Variants in EPHA6 observed in about 807,000 individuals in gnomAD.
EPHA6 encodes EPH receptor A6, also known as ephrin type-A receptor 6.
A neutral mutation model predicts 112.0 loss-of-function variants in EPHA6; 50 were observed. The ratio of observed to expected loss-of-function variants is 0.45; its 90% CI spans 0.36 to 0.56. EPHA6 has a LOEUF of 0.56. Ranked by LOEUF, EPHA6 falls within the 20% of genes least tolerant of loss-of-function variation. EPHA6 has a pLI of 0.00. For synonymous variants in EPHA6, 529 were observed against 490.7 expected (o/e 1.08, Z -1.03); for missense variants, 1,280 against 1,417.4 (o/e 0.90, Z 1.56).
intron 3 of EPHA6, among the ~76,000 whole-genome samples, chr3:97,104,233 A>T (rs1433448924): frequency 6.6e-6 from 1 of 152,092 alleles, no homozygotes; most frequent in African/African-American, 2.4e-5. Flanking sequence ...CCCTTTTCAA[A>T]TATAATGCTT....
chr3:96,915,373 C>T (rs1188844396), intron 2 of EPHA6, among the ~76,000 whole-genome samples: 1 of 151,826 alleles, frequency 6.6e-6, no homozygotes, highest in African/African-American at 2.4e-5. Flanking sequence ...ACCATTGTTC[C>T]CTAGTGGGAA....
At chr3:97,524,156 T>TTTGTC (rs1320851285) in intron 10 of EPHA6, among the ~76,000 whole-genome samples, 3 of 131,432 alleles carry the variant, frequency 2.3e-5, no homozygotes, top group Non-Finnish European at 4.5e-5. Context: ...TTGTAGTTAT[T>TTTGTC]TTGTCTTTCT....
At chr3:97,196,836 T>A (rs1426531349) in intron 3 of EPHA6, among the ~76,000 whole-genome samples, 3 of 151,864 alleles carry the variant, frequency 2.0e-5, no homozygotes, top group Non-Finnish European at 4.4e-5. Context: ...ACAAATGGAA[T>A]CTCTCTCTTC....
In EPHA6 at chr3:97,350,107, T is replaced by G. The variant is rs533703503; in HGVS notation, c.1607-55043T>G. ...AAGACATAGCATTGGAGAAAGAGCT[T>G]TGTCTTGCTCCTTTTCACTCTTCCA... On this transcript the variant is annotated intron_variant, in intron 5 of 17. Transcript: ENST00000389672. 9.2e-5 allele frequency among the ~76,000 whole-genome samples: 14 copies of G among 152,116 alleles called. No individual in the cohort carries two copies. In the South Asian group the frequency reaches 2.9e-3, roughly 32 times the overall value.
At chr3:97,643,046 G>T (rs1466500765) in intron 14 of EPHA6, among the ~76,000 whole-genome samples, 1 of 152,096 alleles carries the variant, frequency 6.6e-6, no homozygotes, top group Non-Finnish European at 1.5e-5. Flanking sequence ...AGAGAGAAAG[G>T]TCGGGTTACC....
chr3:97,447,298 G>C (rs1218647712), intron 6 of EPHA6, among the ~76,000 whole-genome samples: 1 of 152,116 alleles, frequency 6.6e-6, no homozygotes, highest in Admixed American at 6.6e-5. Context: ...TGTCTTGCTA[G>C]TTGGGAAGGT....
intron 5 of EPHA6, among the ~76,000 whole-genome samples, 184 bp from the exon 6 acceptor site, chr3:97,404,966 A>G (rs912937793): frequency 6.6e-6 from 1 of 152,172 alleles, no homozygotes; most frequent in Non-Finnish European, 1.5e-5. Flanking sequence ...GTGTTCCTAA[A>G]TATATTTAAT....
At chr3:97,353,590 C>T (rs2083916145) in intron 5 of EPHA6, among the ~76,000 whole-genome samples, 1 of 151,994 alleles carries the variant, frequency 6.6e-6, no homozygotes, top group East Asian at 1.9e-4. Flanking sequence ...GGCTTGGGTG[C>T]CAATGTAGCT....
chr3:97,562,986 T>C (rs1376132372), intron 11 of EPHA6, among the ~76,000 whole-genome samples: 1 of 152,168 alleles, frequency 6.6e-6, no homozygotes, highest in Non-Finnish European at 1.5e-5. Flanking sequence ...TTAGGCATAA[T>C]GCTGTTGCAC....
At chr3:97,711,142 T>A (rs2033946529) in intron 14 of EPHA6, among the ~76,000 whole-genome samples, 1 of 152,114 alleles carries the variant, frequency 6.6e-6, no homozygotes, top group Non-Finnish European at 1.5e-5. Flanking sequence ...GATGGTGAAT[T>A]GGCTTCACAA....
chr3:97,629,404 T>C (rs2093885089), intron 13 of EPHA6, among the ~76,000 whole-genome samples: 1 of 152,034 alleles, frequency 6.6e-6, no homozygotes, highest in Admixed American at 6.6e-5. Context: ...TATGAGAGCA[T>C]GGTGTGCTTA....
intron 3 of EPHA6, among the ~76,000 whole-genome samples, chr3:97,139,391 G>A (rs1408348466): frequency 6.6e-6 from 1 of 152,138 alleles, no homozygotes; most frequent in African/African-American, 2.4e-5. Context: ...CTATGGGCTT[G>A]TAGAGTGAAC....
At chr3:97,292,718 G>A (rs1188205462) in intron 5 of EPHA6, among the ~76,000 whole-genome samples, 3 of 151,670 alleles carry the variant, frequency 2.0e-5, no homozygotes, top group Admixed American at 2.0e-4. Context: ...GTGGTAGGTA[G>A]TTGCTTTTTG....
chr3:97,627,196 A>G (rs1375590006), intron 13 of EPHA6, among the ~76,000 whole-genome samples: 1 of 151,954 alleles, frequency 6.6e-6, no homozygotes, highest in Non-Finnish European at 1.5e-5. Context: ...ATGTATTGAC[A>G]GACTACAGTA....
chr3:97,300,290 G>A, intron 5 of EPHA6, among the ~76,000 whole-genome samples: 1 of 152,104 alleles, frequency 6.6e-6, no homozygotes, highest in South Asian at 2.1e-4. Context: ...CGTTTTATCT[G>A]TCTCAATTAA....
At chr3:97,684,993 C>A (rs909697567) in intron 14 of EPHA6, among the ~76,000 whole-genome samples, 7 of 152,130 alleles carry the variant, frequency 4.6e-5, no homozygotes, top group African/African-American at 1.4e-4. Context: ...TGGAATTTCT[C>A]AGAATTCCTC....
chr3:96,858,649 G>C (rs748971679), intron 1 of EPHA6, among the ~76,000 whole-genome samples: 1 of 152,096 alleles, frequency 6.6e-6, no homozygotes, highest in Non-Finnish European at 1.5e-5. Flanking sequence ...AAGCATATTT[G>C]TATGCTATTT....
At chr3:97,421,720 T>C (rs1242309360) in intron 6 of EPHA6, among the ~76,000 whole-genome samples, 1 of 152,180 alleles carries the variant, frequency 6.6e-6, no homozygotes, top group African/African-American at 2.4e-5. Context: ...CCTTGGCAGA[T>C]ACTTTAGAGT....
intron 10 of EPHA6, among the ~76,000 whole-genome samples, chr3:97,504,747 C>A (rs58853870): frequency 6.6e-4 from 101 of 152,288 alleles, no homozygotes; most frequent in African/African-American, 2.4e-3. Flanking sequence ...TCCTTCTAAT[C>A]TATTTCCTAA....
Sources: allele counts gnomAD v4.1 joint callset (sites outside exome capture counted in the v4.1 genomes callset), GRCh38; gene constraint gnomAD v4.1.1; transcripts MANE v1.5; gene names NCBI Gene and HGNC (gene_info 2026-07-23, HGNC 2026-07-21).